The following CTNND1 variants were observed in gnomAD, a reference collection of about 807,000 sequenced individuals.
CTNND1 encodes the protein catenin delta 1.
In CTNND1, 16 loss-of-function variants were observed where a neutral mutation model predicts 112.1. That is an observed-to-expected ratio of 0.14 (90% CI 0.10 to 0.22). The LOEUF is 0.22. CTNND1 is among the 10% of genes least tolerant of loss of function. The probability of loss-of-function intolerance (pLI) is 1.00; values close to 1 mark genes in which losing one functional copy is unlikely to be tolerated. For missense variants in CTNND1, 1,008 were observed against 1,257.0 expected, an observed-to-expected ratio of 0.80 and a Z score of 3.00; for synonymous variants, 420 against 446.5, an observed-to-expected ratio of 0.94 and a Z score of 0.75.
intron 1 of CTNND1, among the ~76,000 whole-genome samples, chr11:57,771,133 G>A (rs1380783949): frequency 2.0e-5 from 3 of 151,770 alleles, no homozygotes; most frequent in Non-Finnish European, 4.4e-5. Flanking sequence ...AGAAAAGAAA[G>A]TTGTTTTTTT....
At chr11:57,784,250 A>G (rs1017194521) in intron 1 of CTNND1, among the ~76,000 whole-genome samples, 1 of 150,908 alleles carries the variant, frequency 6.6e-6, no homozygotes, top group African/African-American at 2.4e-5. Flanking sequence ...AGCCCTTTGC[A>G]TTCCCTAGAA....
At chr11:57,794,655 C>T (rs1162666446) in intron 4 of CTNND1, among the ~76,000 whole-genome samples, 1 of 151,722 alleles carries the variant, frequency 6.6e-6, no homozygotes, top group Non-Finnish European at 1.5e-5. Context: ...CGTGGTGGCA[C>T]ATGCCTGTAA....
intron 2 of CTNND1, among the ~76,000 whole-genome samples, chr11:57,790,055 T>G (rs773708543): frequency 6.6e-6 from 1 of 152,202 alleles, no homozygotes; most frequent in Non-Finnish European, 1.5e-5. Flanking sequence ...TAGTATAGTT[T>G]GGAAAGTAGA....
At chr11:57,792,690 C>G in intron 3 of CTNND1, among the ~76,000 whole-genome samples, 1 of 152,078 alleles carries the variant, frequency 6.6e-6, no homozygotes, top group East Asian at 1.9e-4. Context: ...GCCACCACAC[C>G]CAGCCAATTT....
At position 57,795,681 on chromosome 11, in the gene CTNND1, C is replaced by T; in HGVS notation, c.372C>T (p.Val124=). The T allele has an allele frequency of 6.2e-7, 1 of 1,609,342 alleles. No individual in the cohort carries two copies. Among genetic ancestry groups the T allele is most frequent in the Non-Finnish European group, 8.5e-7 (1 of 1,177,884 alleles). ...ATCCTGAGGGAGCCATGTCTGTAGT[C>T]TCTGTGGAGACCTCAGATGATGGGA... ...EEDPEGAMSV[V]SVETSDDGTT... The change falls in exon 5 of 21, where the codon GTC becomes GTT. Residue 124 remains valine, a synonymous_variant. Transcript: ENST00000399050.
At position 57,761,886 on chromosome 11, in the gene CTNND1, A is replaced by G. The variant is rs1565257570; in HGVS notation, c.-447A>G. The G allele has an allele frequency of 1.0e-6, 1 of 985,368 alleles. No homozygotes were observed. The allele number at this position is 985,368 out of a possible 1,614,324, so 61.0% of individuals were successfully genotyped here. On this transcript the variant is annotated 5_prime_UTR_variant, in exon 1 of 21. Transcript: ENST00000399050. ...GGTGTTGGATCTGAGGGGGAAAAAA[A>G]AGAGAGAGGGAGAGAGAGAGAAAGA...
At chr11:57,811,583 T>C (rs961896567) in intron 17 of CTNND1, 97 bp downstream of exon 17, 1 of 791,132 alleles carries the variant, frequency 1.3e-6, no homozygotes. Flanking sequence ...CTGAATTAGC[T>C]AGCCTTTTGT....
In CTNND1 at chr11:57,818,432, G is replaced by A. The variant is rs549370766; in HGVS notation, c.*2124G>A. 2.8e-4 allele frequency: 43 copies of A among 152,462 alleles called. No individual in the cohort carries two copies. The highest frequency in any genetic ancestry group is 1.0e-3 in the African/African-American group (42 of 41,454). The allele number at this position is 152,462 out of a possible 1,614,324, so 9.4% of individuals were successfully genotyped here. A position where few individuals can be genotyped will look rare whatever the true frequency, so the allele number is the denominator to read the frequency against. ...CAAATGAGTTTTTTATATAAATAAA[G>A]TTTTTAAAGTGTGTATGTGGGGGGT... On this transcript the variant is annotated 3_prime_UTR_variant, in exon 21 of 21. Transcript: ENST00000399050.
At chr11:57,810,765 G>A (rs1362437308) in intron 16 of CTNND1, among the ~76,000 whole-genome samples, 1 of 151,882 alleles carries the variant, frequency 6.6e-6, no homozygotes, top group Non-Finnish European at 1.5e-5. Context: ...GACCAGCCTG[G>A]GAAACATGGC....
chr11:57,818,007 C>T lies in CTNND1; in HGVS notation c.*1699C>T, dbSNP rs1180927202. 1.3e-5 allele frequency: 2 copies of T among 152,482 alleles called. No homozygotes were observed. The highest frequency in any genetic ancestry group is 6.6e-5 in the Admixed American group (1 of 15,252). The allele number at this position is 152,482 out of a possible 1,614,324, so 9.4% of individuals were successfully genotyped here. ...TGCACAACCCACCACCCCCTTTACT[C>T]GTGCATTAAAATTTCTTATTTACCC... On this transcript the variant is annotated 3_prime_UTR_variant, in exon 21 of 21. Coordinates refer to ENST00000399050, the MANE Select transcript of CTNND1 (RefSeq NM_001085458.2).
intron 7 of CTNND1, 34 bp downstream of exon 7, chr11:57,802,230 A>G: frequency 2.6e-6 from 4 of 1,539,466 alleles, no homozygotes; most frequent in Non-Finnish European, 3.5e-6. Flanking sequence ...TTGCTAAGTC[A>G]GTGTTACTCT....
In CTNND1 at chr11:57,778,094, C is replaced by T. The variant is rs11570178; in HGVS notation, c.-213-10943C>T. On this transcript the variant is annotated intron_variant, in intron 1 of 20. Coordinates refer to ENST00000399050, the MANE Select transcript of CTNND1 (RefSeq NM_001085458.2). ...GATGTTGCTGTCTTGACCTCTTTGC[C>T]GCCAGGATTTGGCTTCTGTGCAATT... Among the ~76,000 whole-genome samples, 327 of 152,226 alleles carry T rather than the reference C, an allele frequency of 2.1e-3. 1 individual carries two copies. The highest frequency in any genetic ancestry group is 7.5e-3 in the African/African-American group (311 of 41,530).
intron 2 of CTNND1, among the ~76,000 whole-genome samples, chr11:57,790,167 C>T (rs1482365106): frequency 6.6e-6 from 1 of 152,012 alleles, no homozygotes; most frequent in Admixed American, 6.6e-5. Context: ...CTACACTCTC[C>T]GTCTCCTGGG....
intron 17 of CTNND1, among the ~76,000 whole-genome samples, chr11:57,813,695 G>A (rs1256200760): frequency 1.3e-5 from 2 of 152,190 alleles, no homozygotes; most frequent in African/African-American, 4.8e-5. Context: ...TTATCTGTGT[G>A]AGGCTGGATT....
rs769892098 is a variant in CTNND1, at chr11:57,791,448, C to G, written c.-31C>G. On this transcript the variant is annotated 5_prime_UTR_variant, in exon 3 of 21. Coordinates refer to ENST00000399050, the MANE Select transcript of CTNND1 (RefSeq NM_001085458.2). ...TCTGTGATTCACCTTCCTTTTTACC[C>G]TGCCCTGCGGCGGCTCCGCCCCTTA... 5 of 1,414,706 alleles carry G rather than the reference C, an allele frequency of 3.5e-6. No homozygotes were observed. The highest frequency in any genetic ancestry group is 2.4e-4 in the Middle Eastern group (1 of 4,178). The allele number at this position is 1,414,706 out of a possible 1,614,324, so 87.6% of individuals were successfully genotyped here. A position where few individuals can be genotyped will look rare whatever the true frequency, so the allele number is the denominator to read the frequency against.
At position 57,810,211 on chromosome 11, in the gene CTNND1, A is replaced by G. The variant is rs2063166132; in HGVS notation, c.2538A>G (p.Lys846=). ...CACTGGAAAAAGAAGGATGGAAGAA[A>G]TCAGACTTTCAGGTATAGTAACTTT... The part of the protein sequence containing the change: ...RKPLEKEGWK[K]SDFQVNLNNA... The change falls in exon 16 of 21, where the codon AAA becomes AAG. Residue 846 remains lysine, a synonymous_variant. Transcript: ENST00000399050. The G allele has an allele frequency of 6.2e-7, 1 of 1,608,654 alleles. No homozygotes were observed. Among genetic ancestry groups the G allele is most frequent in the South Asian group, 1.1e-5 (1 of 90,164 alleles).
intron 1 of CTNND1, chr11:57,763,971 G>A (rs948354195): frequency 6.6e-6 from 1 of 152,250 alleles, no homozygotes; most frequent in Non-Finnish European, 1.5e-5. Flanking sequence ...TGACTGGTGT[G>A]TAGTACAGAG....
chr11:57,797,264 T>C (rs1591510895), intron 6 of CTNND1, among the ~76,000 whole-genome samples: 1 of 149,086 alleles, frequency 6.7e-6, no homozygotes, highest in Non-Finnish European at 1.5e-5. Flanking sequence ...AGAGTCTTGC[T>C]CTTTCACCCA....
Position 57,806,960 on chromosome 11 carries a change from C to T in CTNND1, c.1940C>T (p.Pro647Leu), listed in dbSNP as rs1340900779. The T allele has an allele frequency of 1.2e-6, 2 of 1,601,306 alleles. No homozygotes were observed. The highest frequency in any genetic ancestry group is 1.7e-6 in the Non-Finnish European group (2 of 1,173,632). ...CCAGCAAACGATACAGTGGATTTCC[C>T]TAAAAGAACGAGTCCAGCTCGAGGT... ...EDPANDTVDF[P>L]KRTSPARGYE... The change falls in exon 12 of 21, where the codon CCT becomes CTT. Residue 647 changes from proline (P) to leucine (L), a missense_variant. Physicochemically the swap from Pro to Leu is moderately conservative, Grantham distance 98. Coordinates refer to ENST00000399050, the MANE Select transcript of CTNND1 (RefSeq NM_001085458.2).
Sources: allele counts gnomAD v4.1 joint callset (sites outside exome capture counted in the v4.1 genomes callset), GRCh38; gene constraint gnomAD v4.1.1; transcripts MANE v1.5; gene names NCBI Gene and HGNC (gene_info 2026-07-23, HGNC 2026-07-21).